The following CNBD1 variants were observed in gnomAD, a reference collection of about 807,000 sequenced individuals.
CNBD1 encodes the protein cyclic nucleotide binding domain containing 1, also known as cyclic nucleotide-binding domain-containing protein 1.
In CNBD1, 71 loss-of-function variants were observed where a neutral mutation model predicts 54.4. The ratio of observed to expected loss-of-function variants is 1.30; its 90% confidence interval spans 1.08 to 1.59. The LOEUF is 1.59. Among genes scored for constraint, CNBD1 ranks in the 40% most tolerant of loss-of-function variants. The probability of loss-of-function intolerance (pLI) is 0.00; values close to 1 mark genes in which losing one functional copy is unlikely to be tolerated. For synonymous variants in CNBD1, 182 were observed against 170.7 expected, an observed-to-expected ratio of 1.07 and a Z score of -0.51; for missense variants, 659 against 518.0, an observed-to-expected ratio of 1.27 and a Z score of -2.64.
chr8:87,346,872 A>G (rs1810185416), intron 8 of CNBD1, among the ~76,000 whole-genome samples: 1 of 152,212 alleles, frequency 6.6e-6, no homozygotes, highest in African/African-American at 2.4e-5. Flanking sequence ...AAAGGATTTT[A>G]TTGCCTCACA....
intron 4 of CNBD1, among the ~76,000 whole-genome samples, chr8:87,106,118 A>AT (rs1201920182): frequency 1.3e-5 from 2 of 151,184 alleles, no homozygotes; most frequent in Non-Finnish European, 3.0e-5. Context: ...AATATTAGAT[A>AT]TTTTCTTTTT....
intron 1 of CNBD1, among the ~76,000 whole-genome samples, chr8:86,879,377 G>T (rs1366253246): frequency 6.6e-6 from 1 of 152,148 alleles, no homozygotes; most frequent in Non-Finnish European, 1.5e-5. Flanking sequence ...AACTATTCTT[G>T]TGGTGCTGTA....
chr8:87,233,336 T>TGATTAGG (rs1286303787), intron 5 of CNBD1, among the ~76,000 whole-genome samples: 1 of 152,130 alleles, frequency 6.6e-6, no homozygotes, highest in African/African-American at 2.4e-5. Context: ...AGGTTTAGTT[T>TGATTAGG]CAGAGCACTG....
intron 4 of CNBD1, among the ~76,000 whole-genome samples, chr8:87,119,571 T>G (rs896713661): frequency 6.6e-6 from 1 of 152,132 alleles, no homozygotes; most frequent in East Asian, 1.9e-4. Flanking sequence ...ATGCCTTTTA[T>G]TTTTTTCTCT....
chr8:86,905,409 T>C, intron 3 of CNBD1, among the ~76,000 whole-genome samples: 1 of 152,294 alleles, frequency 6.6e-6, no homozygotes, highest in East Asian at 1.9e-4. Flanking sequence ...AAAGATCATA[T>C]TTATTTAAAC....
chr8:87,381,805 A>G (rs990594090), intron 10 of CNBD1, among the ~76,000 whole-genome samples: 1 of 151,938 alleles, frequency 6.6e-6, no homozygotes, highest in Non-Finnish European at 1.5e-5. Flanking sequence ...CGTCAAATTT[A>G]TAGGATTAAA....
intron 10 of CNBD1, among the ~76,000 whole-genome samples, chr8:87,368,938 T>C (rs1479943649): frequency 6.6e-6 from 1 of 151,958 alleles, no homozygotes; most frequent in African/African-American, 2.4e-5. Flanking sequence ...CTTCTTTTCC[T>C]TCTCATGACT....
chr8:87,025,200 T>G (rs1809611354), intron 4 of CNBD1, among the ~76,000 whole-genome samples: 1 of 152,108 alleles, frequency 6.6e-6, no homozygotes, highest in Admixed American at 6.5e-5. Flanking sequence ...ATCAGCACTC[T>G]GTAAAATGGA....
In CNBD1 at chr8:87,163,194, G is replaced by A. The variant is rs1812892501; in HGVS notation, c.432-42799G>A. Among the ~76,000 whole-genome samples, 1 of 151,976 alleles carries A rather than the reference G, an allele frequency of 6.6e-6. No homozygotes were observed. The highest frequency in any genetic ancestry group is 2.1e-4 in the South Asian group (1 of 4,822). Reference sequence around the variant, plus strand: ...GAACTAACAAATGTACAATATTTTGGTATTAATAACATCTCATTTCTGAGA... The same window carrying A: ...GAACTAACAAATGTACAATATTTTGATATTAATAACATCTCATTTCTGAGA... On this transcript the variant is annotated intron_variant, in intron 4 of 10. Coordinates refer to ENST00000518476, the MANE Select transcript of CNBD1 (RefSeq NM_173538.3). This position sits in a 1 kb window ranked among gnomAD's most constrained non-coding sequence, Gnocchi z 4.5.
chr8:87,299,041 ATCT>A (rs1808936371), intron 8 of CNBD1, among the ~76,000 whole-genome samples: 2 of 152,178 alleles, frequency 1.3e-5, no homozygotes, highest in South Asian at 4.1e-4. Flanking sequence ...GTGAAAATAA[ATCT>A]TCTTTCTGTT....
chr8:87,196,145 A>G (rs997687403), intron 4 of CNBD1, among the ~76,000 whole-genome samples: 2 of 152,176 alleles, frequency 1.3e-5, no homozygotes, highest in Non-Finnish European at 2.9e-5. Context: ...GTAACTCTGG[A>G]AGACTAAGCA....
chr8:87,170,530 A>G (rs998968116), intron 4 of CNBD1, among the ~76,000 whole-genome samples: 3 of 152,034 alleles, frequency 2.0e-5, no homozygotes, highest in African/African-American at 7.2e-5. Context: ...GTTTTTCCCA[A>G]TCTTGGAGGA....
At chr8:87,337,550 C>A (rs899839108) in intron 8 of CNBD1, among the ~76,000 whole-genome samples, 9 of 152,230 alleles carry the variant, frequency 5.9e-5, no homozygotes, top group Non-Finnish European at 1.2e-4. Context: ...AGCTGAGTGG[C>A]TGTTGAGAAT....
chr8:87,137,175 A>G (rs897302232), intron 4 of CNBD1, among the ~76,000 whole-genome samples: 1 of 138,402 alleles, frequency 7.2e-6, no homozygotes, highest in African/African-American at 2.7e-5. Context: ...TATATATATT[A>G]TATTTTTATT....
At chr8:87,321,639 G>A (rs546363805) in intron 8 of CNBD1, among the ~76,000 whole-genome samples, 14 of 151,850 alleles carry the variant, frequency 9.2e-5, no homozygotes, top group Non-Finnish European at 1.9e-4. Context: ...CATTCCATAG[G>A]CTGCCTTTTT....
At chr8:87,106,154 T>C (rs552158660) in intron 4 of CNBD1, among the ~76,000 whole-genome samples, 5 of 151,410 alleles carry the variant, frequency 3.3e-5, no homozygotes, top group Admixed American at 2.6e-4. Context: ...TTTCTTCTTT[T>C]TTCTTCCTTT....
At chr8:86,973,679 T>C (rs1431576926) in intron 4 of CNBD1, among the ~76,000 whole-genome samples, 1 of 152,210 alleles carries the variant, frequency 6.6e-6, no homozygotes, top group Non-Finnish European at 1.5e-5. Context: ...TGACATGTTT[T>C]TGTAGCAAGT....
At chr8:87,057,082 C>A (rs1156728295) in intron 4 of CNBD1, among the ~76,000 whole-genome samples, 1 of 152,118 alleles carries the variant, frequency 6.6e-6, no homozygotes, top group Non-Finnish European at 1.5e-5. Context: ...GGGAGGAAGA[C>A]CATCCACCTT....
chr8:87,196,006 T>C (rs1260780506), intron 4 of CNBD1, among the ~76,000 whole-genome samples: 4 of 152,194 alleles, frequency 2.6e-5, no homozygotes, highest in Non-Finnish European at 5.9e-5. Flanking sequence ...TTCTGTAATA[T>C]AAATTGATTA....
Sources: gnomAD v4.1 joint callset for allele counts (sites outside exome capture counted in the v4.1 genomes callset) on GRCh38, gnomAD v4.1.1 for gene constraint, Gnocchi (gnomAD v3.1) non-coding constraint, MANE v1.5 for transcripts, NCBI Gene and HGNC (gene_info 2026-07-23, HGNC 2026-07-21) for gene names.